Variants in PTPRM observed in about 807,000 individuals in gnomAD.
PTPRM encodes receptor-type tyrosine-protein phosphatase mu.
In PTPRM, 47 loss-of-function variants were observed where a neutral mutation model predicts 186.7. The observed-to-expected ratio is 0.25, with a 90% CI of 0.20 to 0.32. The LOEUF is 0.32. Among genes scored for constraint, PTPRM ranks in the 10% least tolerant of loss-of-function variants. The probability of loss-of-function intolerance (pLI) is 1.00; values close to 1 mark genes in which losing one functional copy is unlikely to be tolerated. For missense variants in PTPRM, 1,494 were observed against 1,865.0 expected, an observed-to-expected ratio of 0.80 and a Z score of 3.66; for synonymous variants, 668 against 674.9, an observed-to-expected ratio of 0.99 and a Z score of 0.16.
chr18:8,376,939 G>A (rs1433071650), intron 26 of PTPRM: 1 of 206,650 alleles, frequency 4.8e-6, no homozygotes, highest in African/African-American at 2.4e-5. Flanking sequence ...ACCAGAGCAA[G>A]ACCGCTCCTG....
chr18:8,181,979 G>T (rs2093582053), intron 14 of PTPRM, among the ~76,000 whole-genome samples: 2 of 152,018 alleles, frequency 1.3e-5, no homozygotes, highest in East Asian at 1.9e-4. Flanking sequence ...CTTTAATTAC[G>T]CTGGTCTGTG....
rs943920754 is a variant in PTPRM at position 8,252,473 on chromosome 18, G to A, written c.2555-15G>A. 1.4e-5 allele frequency: 21 copies of A among 1,536,710 alleles called. No homozygotes were observed. The highest frequency in any genetic ancestry group is 1.7e-5 in the Non-Finnish European group (19 of 1,109,788). On this transcript the variant is annotated splice_polypyrimidine_tract_variant and intron_variant, in intron 17 of 32. Transcript: ENST00000580170. ...TTCTCCTCCTTTTTTCTCCTGATAT[G>A]TATCTTCTTAAAAGTGCCAATAAAT...
intron 6 of PTPRM, among the ~76,000 whole-genome samples, chr18:7,951,043 A>G (rs8087884): frequency 0.14 from 21,807 of 152,214 alleles, 1,826 homozygotes; most frequent in Non-Finnish European, 0.19. Flanking sequence ...GGAAGTGCAC[A>G]TTAAGATATC....
chr18:8,110,994 C>A (rs1568357955), intron 11 of PTPRM, among the ~76,000 whole-genome samples: 1 of 152,198 alleles, frequency 6.6e-6, no homozygotes, highest in Non-Finnish European at 1.5e-5. Context: ...GCCAGCACAG[C>A]CTGGTCTGAT....
At chr18:7,887,702 G>T (rs984709078) in intron 2 of PTPRM, among the ~76,000 whole-genome samples, 5 of 152,188 alleles carry the variant, frequency 3.3e-5, no homozygotes, top group Non-Finnish European at 7.3e-5. Flanking sequence ...GTAGCTACTT[G>T]TCACACGTGG....
chr18:7,708,249 T>G (rs1368463290), intron 1 of PTPRM, among the ~76,000 whole-genome samples: 1 of 152,190 alleles, frequency 6.6e-6, no homozygotes, highest in Non-Finnish European at 1.5e-5. Context: ...CAGTCTGTGT[T>G]TAACTATACA....
chr18:7,992,463 C>T (rs1443369191), intron 7 of PTPRM, among the ~76,000 whole-genome samples: 1 of 152,104 alleles, frequency 6.6e-6, no homozygotes. Context: ...AGAAGCCAAA[C>T]TTCACATTTG....
chr18:7,939,357 C>G (rs917685745), intron 5 of PTPRM, among the ~76,000 whole-genome samples: 5 of 152,194 alleles, frequency 3.3e-5, no homozygotes, highest in African/African-American at 1.2e-4. Flanking sequence ...CTGCTAACTT[C>G]CCAGACCTCA....
At chr18:8,157,371 C>G (rs2093143724) in intron 14 of PTPRM, among the ~76,000 whole-genome samples, 1 of 152,182 alleles carries the variant, frequency 6.6e-6, no homozygotes, top group South Asian at 2.1e-4. Flanking sequence ...GCCTCGAAGT[C>G]TTTGTGTCCG....
chr18:8,380,590 C>T (rs1031782652), intron 29 of PTPRM, among the ~76,000 whole-genome samples, 163 bp downstream of exon 29: 5 of 151,948 alleles, frequency 3.3e-5, no homozygotes, highest in South Asian at 2.1e-4. Flanking sequence ...AAAAATCAGG[C>T]GGAATTAGGG....
chr18:8,009,211 C>T (rs1431405563), intron 7 of PTPRM, among the ~76,000 whole-genome samples: 1 of 152,068 alleles, frequency 6.6e-6, no homozygotes, highest in African/African-American at 2.4e-5. Flanking sequence ...AGTACGATGC[C>T]TGGTTTGTGA....
chr18:8,114,805 C>T lies in PTPRM; in HGVS notation c.2145C>T (p.Asp715=). 2 of 1,610,830 alleles carry T rather than the reference C, an allele frequency of 1.2e-6. No individual in the cohort carries two copies. The highest frequency in any genetic ancestry group is 1.7e-6 in the Non-Finnish European group (2 of 1,178,342). Residue 715 remains aspartate (D), a synonymous_variant, in exon 13 of 33, where the codon GAC becomes GAT. Transcript: ENST00000580170. ...ATTTGACACAGGAAACCAAAATAGA[C>T]TGTGTCCAAGTGGCCACAAAAGGTA... ...ASRANGETKI[D]CVQVATKGAA...
chr18:7,829,937 T>A (rs1598931299), intron 2 of PTPRM, among the ~76,000 whole-genome samples: 1 of 152,302 alleles, frequency 6.6e-6, no homozygotes, highest in East Asian at 1.9e-4. Flanking sequence ...TTTTTTAATG[T>A]TCAAGTGGTA....
At chr18:8,267,342 A>G (rs2094714093) in intron 19 of PTPRM, among the ~76,000 whole-genome samples, 1 of 152,070 alleles carries the variant, frequency 6.6e-6, no homozygotes, top group African/African-American at 2.4e-5. Context: ...AGTATGGAGT[A>G]TTTAATTTGT....
At chr18:8,097,694 A>G (rs1267496536) in intron 11 of PTPRM, among the ~76,000 whole-genome samples, 1 of 152,190 alleles carries the variant, frequency 6.6e-6, no homozygotes, top group Non-Finnish European at 1.5e-5. Context: ...CTTACTGAGA[A>G]TGTGTTACTT....
chr18:7,727,693 G>C (rs954102264), intron 1 of PTPRM, among the ~76,000 whole-genome samples: 8 of 152,160 alleles, frequency 5.3e-5, no homozygotes, highest in Admixed American at 3.3e-4. Context: ...TATGTGTTTG[G>C]CTTTTATTTC....
chr18:8,125,414 C>A (rs2092307734), intron 13 of PTPRM, among the ~76,000 whole-genome samples: 1 of 152,040 alleles, frequency 6.6e-6, no homozygotes, highest in Non-Finnish European at 1.5e-5. Context: ...TGTATATACA[C>A]ATATACATAC....
intron 2 of PTPRM, among the ~76,000 whole-genome samples, chr18:7,842,012 G>A (rs1419164816): frequency 6.6e-6 from 1 of 152,058 alleles, no homozygotes; most frequent in South Asian, 2.1e-4. Context: ...TAGTATGAAG[G>A]AGTGTGACTG....
intron 14 of PTPRM, among the ~76,000 whole-genome samples, chr18:8,150,125 G>T (rs557555397): frequency 6.6e-6 from 1 of 152,104 alleles, no homozygotes; most frequent in Non-Finnish European, 1.5e-5. Flanking sequence ...TTATGTCTTG[G>T]GGTTGCTGTT....
Sources: allele counts gnomAD v4.1 joint callset (sites outside exome capture counted in the v4.1 genomes callset), GRCh38; gene constraint gnomAD v4.1.1; transcripts MANE v1.5; gene names NCBI Gene and HGNC (gene_info 2026-07-23, HGNC 2026-07-21).